The following AGBL4 variants were observed in gnomAD, a reference collection of about 807,000 sequenced individuals.
AGBL4 encodes the protein AGBL carboxypeptidase 4.
A neutral mutation model predicts 66.4 loss-of-function variants in AGBL4; 58 were observed. That is an observed-to-expected ratio of 0.87 (90% CI 0.71 to 1.09). AGBL4 has a LOEUF of 1.09. Among genes scored for constraint, AGBL4 ranks in the 50% least tolerant of loss-of-function variants. The pLI is 0.00. For synonymous variants in AGBL4, 234 were observed against 222.9 expected (o/e 1.05, Z -0.44); for missense variants, 579 against 631.0 (o/e 0.92, Z 0.88).
chr1:48,954,205 A>G (rs1379575268), intron 5 of AGBL4, among the ~76,000 whole-genome samples: 1 of 152,200 alleles, frequency 6.6e-6, no homozygotes, highest in Non-Finnish European at 1.5e-5. Flanking sequence ...GAAGACTTGA[A>G]AACCGGTCAA....
At chr1:49,290,662 G>T (rs1215208166) in intron 3 of AGBL4, among the ~76,000 whole-genome samples, 2 of 152,062 alleles carry the variant, frequency 1.3e-5, no homozygotes, top group African/African-American at 4.8e-5. Flanking sequence ...AATAAAGTTG[G>T]CCCTCAACAT....
chr1:48,892,512 A>G (rs771373453), intron 5 of AGBL4, among the ~76,000 whole-genome samples: 1 of 152,186 alleles, frequency 6.6e-6, no homozygotes, highest in African/African-American at 2.4e-5. Flanking sequence ...GAGATGATAA[A>G]CATCAATCAA....
chr1:48,661,879 G>A (rs1646112927), intron 7 of AGBL4, among the ~76,000 whole-genome samples: 2 of 152,186 alleles, frequency 1.3e-5, no homozygotes, highest in Admixed American at 6.5e-5. Flanking sequence ...AAGTAAAGGG[G>A]TTGGTAAACC....
At chr1:49,323,787 C>T (rs1645175991) in intron 3 of AGBL4, among the ~76,000 whole-genome samples, 1 of 150,174 alleles carries the variant, frequency 6.7e-6, no homozygotes, top group Non-Finnish European at 1.5e-5. Flanking sequence ...AAAAAAAGCC[C>T]CTAAGGCCTG....
chr1:50,016,228 T>A (rs1333673047), intron 1 of AGBL4, among the ~76,000 whole-genome samples: 1 of 152,172 alleles, frequency 6.6e-6, no homozygotes, highest in East Asian at 1.9e-4. Context: ...AAACTATGCA[T>A]TCAACTAAGG....
intron 9 of AGBL4, among the ~76,000 whole-genome samples, chr1:48,619,948 G>A (rs888164669): frequency 5.3e-5 from 8 of 152,078 alleles, no homozygotes; most frequent in Admixed American, 3.3e-4. Context: ...ATTCATTCTA[G>A]AAGCATCCTG....
chr1:49,846,072 G>A (rs1232615870), intron 2 of AGBL4: 5 of 1,574,062 alleles, frequency 3.2e-6, no homozygotes, highest in Non-Finnish European at 3.5e-6. Context: ...ATCCACACAG[G>A]AGAGAAACCC....
chr1:48,591,177 G>T (rs1435380008), intron 9 of AGBL4, among the ~76,000 whole-genome samples, 192 bp from the exon 10 acceptor site: 1 of 142,994 alleles, frequency 7.0e-6, no homozygotes, highest in Non-Finnish European at 1.5e-5. Flanking sequence ...GAGGGTTTAA[G>T]ACAGGTGACG....
chr1:48,915,410 C>T (rs1468638893), intron 5 of AGBL4, among the ~76,000 whole-genome samples: 2 of 152,260 alleles, frequency 1.3e-5, no homozygotes, highest in South Asian at 2.1e-4. Flanking sequence ...GTTATTTGTA[C>T]TTTTGGAACA....
chr1:49,759,355 A>G (rs1652134289), intron 2 of AGBL4, among the ~76,000 whole-genome samples: 1 of 152,206 alleles, frequency 6.6e-6, no homozygotes, highest in Admixed American at 6.5e-5. Context: ...ATTCTAAAAT[A>G]TACCTAGACA....
At chr1:49,373,307 T>C (rs905056363) in intron 3 of AGBL4, among the ~76,000 whole-genome samples, 11 of 152,176 alleles carry the variant, frequency 7.2e-5, no homozygotes, top group Non-Finnish European at 1.5e-4. Context: ...ATATGACCAA[T>C]AGATGCTTAA....
intron 5 of AGBL4, among the ~76,000 whole-genome samples, chr1:49,032,669 G>C (rs1393642009): frequency 6.6e-6 from 1 of 152,116 alleles, no homozygotes; most frequent in Non-Finnish European, 1.5e-5. Context: ...CTGGAAACCT[G>C]TTCACCTCAT....
At chr1:49,102,322 A>G (rs1031468715) in intron 4 of AGBL4, among the ~76,000 whole-genome samples, 1 of 152,312 alleles carries the variant, frequency 6.6e-6, no homozygotes, top group African/African-American at 2.4e-5. Flanking sequence ...AGATCAGGCA[A>G]TTTTACCTAA....
chr1:49,276,521 G>C (rs1644170467), intron 3 of AGBL4, among the ~76,000 whole-genome samples: 2 of 152,142 alleles, frequency 1.3e-5, no homozygotes, highest in Admixed American at 6.5e-5. Context: ...TAGGAAACTT[G>C]TGTCTGTAGA....
chr1:49,666,517 G>A (rs1051018788), intron 3 of AGBL4, among the ~76,000 whole-genome samples: 1 of 151,934 alleles, frequency 6.6e-6, no homozygotes, highest in Non-Finnish European at 1.5e-5. Flanking sequence ...AGTGAGCAGA[G>A]ATTGCACCAC....
chr1:49,588,887 A>G (rs1407133147), intron 3 of AGBL4, among the ~76,000 whole-genome samples: 1 of 152,178 alleles, frequency 6.6e-6, no homozygotes, highest in African/African-American at 2.4e-5. Flanking sequence ...GACCACATAC[A>G]TTTGTAAGGC....
chr1:49,515,546 C>T (rs1453756282), intron 3 of AGBL4, among the ~76,000 whole-genome samples: 2 of 151,668 alleles, frequency 1.3e-5, no homozygotes, highest in Non-Finnish European at 2.9e-5. Flanking sequence ...GGGTATATAC[C>T]CAAAGGATTA....
At chr1:49,784,171 G>A (rs1035298019) in intron 2 of AGBL4, among the ~76,000 whole-genome samples, 2 of 152,068 alleles carry the variant, frequency 1.3e-5, no homozygotes, top group African/African-American at 2.4e-5. Flanking sequence ...AGAACAGTCA[G>A]AATAACCTTG....
At chr1:49,131,266 C>G (rs757552753) in intron 4 of AGBL4, among the ~76,000 whole-genome samples, 106 of 152,140 alleles carry the variant, frequency 7.0e-4, no homozygotes, top group African/African-American at 2.5e-3. Flanking sequence ...AAAAAAGGCA[C>G]AAAAGGACTT....
Sources: allele counts gnomAD v4.1 joint callset (sites outside exome capture counted in the v4.1 genomes callset), GRCh38; gene constraint gnomAD v4.1.1; transcripts MANE v1.5; gene names NCBI Gene and HGNC (gene_info 2026-07-23, HGNC 2026-07-21).